Variants in USH2A observed in about 807,000 individuals in gnomAD.
USH2A encodes the protein usherin, also known as Usher syndrome 2A (autosomal recessive, mild).
USH2A carries 443 observed loss-of-function variants against 538.9 expected under a neutral mutation model. The ratio of observed to expected loss-of-function variants is 0.82; its 90% CI spans 0.76 to 0.89. The LOEUF (loss-of-function observed/expected upper bound fraction) is 0.89, where lower values mean the gene tolerates loss of function less well. USH2A is among the 40% of genes least tolerant of loss of function. The pLI is 0.00. For missense variants in USH2A, 6,633 were observed against 6,324.8 expected (o/e 1.05, Z -1.65); for synonymous variants, 2,413 against 2,273.5 (o/e 1.06, Z -1.75).
intron 11 of USH2A, among the ~76,000 whole-genome samples, chr1:216,255,580 C>A (rs572314188): frequency 6.6e-6 from 1 of 152,218 alleles, no homozygotes; most frequent in African/African-American, 2.4e-5. Context: ...TTAACTGCAG[C>A]CCCATAATGT....
Position 215,734,270 on chromosome 1 carries a change from C to A in USH2A, c.11712-5886G>T, listed in dbSNP as rs566109313. 2.0e-5 allele frequency among the ~76,000 whole-genome samples: 3 copies of A among 152,318 alleles called. No homozygotes were observed. In the East Asian group the frequency reaches 5.8e-4, roughly 30 times the overall value. On this transcript the variant is annotated intron_variant, in intron 60 of 71. Transcript: ENST00000307340. ...GAGGCCCTTCGAGCTGCAGCTGCAG[C>A]AAGAGTAGTCAGGATGTGGGGAACA...
At position 216,163,020 on chromosome 1, in the gene USH2A, A is replaced by G. The variant is rs548034515; in HGVS notation, c.4627+12232T>C. On this transcript the variant is annotated intron_variant, in intron 21 of 71. Coordinates refer to ENST00000307340, the MANE Select transcript of USH2A (RefSeq NM_206933.4). ...CAGTTTTTATTCCTTTACCAGATAT[A>G]CTAATGTCTCTGCTTGAGCTCAATA... Among the ~76,000 whole-genome samples, 808 of 152,022 alleles carry G rather than the reference A, an allele frequency of 5.3e-3. 7 individuals carry two copies. Among genetic ancestry groups the G allele is most frequent in the Non-Finnish European group, 9.8e-3 (664 of 67,926 alleles).
intron 67 of USH2A, 40 bp from the exon 68 acceptor site, chr1:215,640,774 C>T: frequency 6.6e-7 from 1 of 1,511,722 alleles, no homozygotes; most frequent in Non-Finnish European, 8.9e-7. Flanking sequence ...AGGGTAACCT[C>T]TTTGAAGGAG....
At chr1:216,347,785 G>T (rs372552629) in intron 4 of USH2A, among the ~76,000 whole-genome samples, 2 of 152,168 alleles carry the variant, frequency 1.3e-5, no homozygotes, top group East Asian at 3.9e-4. Context: ...GAAAATTGTT[G>T]ACCTGTTTTA....
Position 216,199,641 on chromosome 1 carries a change from G to C in USH2A, c.3797C>G (p.Pro1266Arg). The C allele has an allele frequency of 1.2e-6, 2 of 1,614,024 alleles. 1 individual carries two copies. Among genetic ancestry groups the C allele is most frequent in the East Asian group, 4.5e-5 (2 of 44,858 alleles). ...TGGATTCTTACCATTTAGTTCCGCTGGTGGAGACCATTCTACATGAAGTTC... is the reference window on the plus strand; with the variant it reads ...TGGATTCTTACCATTTAGTTCCGCTCGTGGAGACCATTCTACATGAAGTTC... ...STELHVEWSPPAELNGIIIRY... is the reference protein window; with the variant it reads ...STELHVEWSPRAELNGIIIRY... Residue 1266 changes from proline to arginine, a missense_variant, in exon 17 of 72, where the codon CCA (proline) becomes CGA (arginine). By Grantham distance (103) the Pro-to-Arg change is moderately radical (BLOSUM62 -2). Transcript: ENST00000307340.
intron 11 of USH2A, among the ~76,000 whole-genome samples, chr1:216,259,423 T>A (rs2036323047): frequency 6.6e-6 from 1 of 152,104 alleles, no homozygotes; most frequent in South Asian, 2.1e-4. Flanking sequence ...CACTAGAAGA[T>A]GTTGCTGCCA....
At chr1:215,972,996 A>T (rs899100755) in intron 35 of USH2A, among the ~76,000 whole-genome samples, 1 of 152,198 alleles carries the variant, frequency 6.6e-6, no homozygotes, top group Admixed American at 6.6e-5. Flanking sequence ...TTTAAAGGGA[A>T]AAAAGATATG....
At chr1:216,107,564 A>G (rs573606071) in intron 21 of USH2A, among the ~76,000 whole-genome samples, 1 of 151,782 alleles carries the variant, frequency 6.6e-6, no homozygotes, top group Admixed American at 6.6e-5. Context: ...TAGCCAGTTT[A>G]ATAATCTATT....
intron 11 of USH2A, among the ~76,000 whole-genome samples, chr1:216,282,363 T>C (rs1487632384): frequency 6.6e-6 from 1 of 152,226 alleles, no homozygotes; most frequent in African/African-American, 2.4e-5. Context: ...TTTTAGCTTT[T>C]ATATTCAATA....
At chr1:215,866,748 G>C (rs187279227) in intron 44 of USH2A, among the ~76,000 whole-genome samples, 224 of 152,330 alleles carry the variant, frequency 1.5e-3, no homozygotes, top group African/African-American at 5.1e-3. Context: ...CAAAGTAGGA[G>C]AGAGTTTGCA....
chr1:216,057,689 A>G (rs1368377487), intron 30 of USH2A, among the ~76,000 whole-genome samples: 1 of 152,026 alleles, frequency 6.6e-6, no homozygotes, highest in African/African-American at 2.4e-5. Context: ...TCCATCTCAA[A>G]TTAAAAAAAA....
Position 215,743,343 on chromosome 1 carries a change from G to T in USH2A, c.11390-8C>A. The stretch of plus-strand genomic sequence containing the variant: ...TTTCGGGGATGAGGATCCCTTTAAA[G>T]AGAGAGAGAGAGAGAGAACATTAAA... On this transcript the variant is annotated splice_region_variant and splice_polypyrimidine_tract_variant and intron_variant, in intron 58 of 71. Coordinates refer to ENST00000307340, the MANE Select transcript of USH2A (RefSeq NM_206933.4). The T allele has an allele frequency of 9.6e-7, 1 of 1,043,948 alleles. No individual in the cohort carries two copies. The allele number at this position is 1,043,948 out of a possible 1,614,324, so 64.7% of individuals were successfully genotyped here.
At chr1:216,391,675 G>GC (rs1571772862) in intron 3 of USH2A, among the ~76,000 whole-genome samples, 1 of 152,266 alleles carries the variant, frequency 6.6e-6, no homozygotes, top group Middle Eastern at 3.4e-3. Flanking sequence ...ATGCCTTGCA[G>GC]ATATTTCTTG....
chr1:215,782,961 A>G, intron 52 of USH2A, 26 bp from the exon 53 acceptor site: 1 of 1,599,930 alleles, frequency 6.3e-7, no homozygotes, highest in East Asian at 2.2e-5. Flanking sequence ...ATAGACAGGG[A>G]AGTTTCTCTT....
At chr1:215,894,796 G>C (rs974336554) in intron 40 of USH2A, among the ~76,000 whole-genome samples, 16 of 152,124 alleles carry the variant, frequency 1.1e-4, no homozygotes, top group African/African-American at 3.4e-4. Flanking sequence ...AGGCTGGAAC[G>C]ACCGACAGGA....
chr1:215,710,473 T>TTC (rs2102697751), intron 61 of USH2A, among the ~76,000 whole-genome samples: 1 of 152,092 alleles, frequency 6.6e-6, no homozygotes, highest in East Asian at 2.0e-4. Context: ...CAAAAACTCT[T>TTC]TCTTATGTAC....
intron 38 of USH2A, among the ~76,000 whole-genome samples, chr1:215,910,449 G>A (rs1571804091): frequency 3.3e-5 from 5 of 151,890 alleles, no homozygotes; most frequent in Admixed American, 2.6e-4. Context: ...CTTCATCAAC[G>A]AAAGAAAGAT....
chr1:216,170,020 A>G (rs1228370556), intron 21 of USH2A, among the ~76,000 whole-genome samples: 1 of 152,000 alleles, frequency 6.6e-6, no homozygotes, highest in Non-Finnish European at 1.5e-5. Context: ...ATAGTGGGAC[A>G]CCAAGGGTGT....
chr1:215,890,976 G>T (rs866578765), intron 40 of USH2A, among the ~76,000 whole-genome samples: 3 of 152,076 alleles, frequency 2.0e-5, no homozygotes, highest in Non-Finnish European at 4.4e-5. Context: ...GTTTTCATCT[G>T]GGTCTTGCAT....
Sources: gnomAD v4.1 joint callset for allele counts (sites outside exome capture counted in the v4.1 genomes callset) on GRCh38, gnomAD v4.1.1 for gene constraint, MANE v1.5 for transcripts, NCBI Gene and HGNC (gene_info 2026-07-23, HGNC 2026-07-21) for gene names.